Variants in PRKCA observed in about 807,000 individuals in gnomAD.
PRKCA encodes protein kinase C alpha, also known as protein kinase C alpha type.
PRKCA carries 27 observed loss-of-function variants against 87.0 expected under a neutral mutation model. That is an observed-to-expected ratio of 0.31 (90% CI 0.23 to 0.43). The LOEUF (loss-of-function observed/expected upper bound fraction) is 0.43, where lower values mean the gene tolerates loss of function less well. PRKCA is among the 20% of genes least tolerant of loss of function. The pLI is 1.00. For synonymous variants in PRKCA, 329 were observed against 311.1 expected, an observed-to-expected ratio of 1.06 and a Z score of -0.61; for missense variants, 518 against 852.3, an observed-to-expected ratio of 0.61 and a Z score of 4.88.
intron 2 of PRKCA, among the ~76,000 whole-genome samples, chr17:66,374,649 G>GGATGT (rs1210438075): frequency 1.3e-5 from 2 of 152,096 alleles, no homozygotes; most frequent in Non-Finnish European, 2.9e-5. Flanking sequence ...TGCAGGGGAG[G>GGATGT]GATGTGATGA....
intron 8 of PRKCA, among the ~76,000 whole-genome samples, chr17:66,725,329 T>C (rs1973718153): frequency 6.6e-6 from 1 of 152,198 alleles, no homozygotes; most frequent in Non-Finnish European, 1.5e-5. Flanking sequence ...TGGCTACAAG[T>C]TGGCCTCTGT....
Position 66,513,717 on chromosome 17 carries a change from C to T in PRKCA, c.288+17434C>T, listed in dbSNP as rs150618148. 1.1e-3 allele frequency among the ~76,000 whole-genome samples: 171 copies of T among 152,248 alleles called. 1 individual carries two copies. The highest frequency in any genetic ancestry group is 3.7e-3 in the African/African-American group (155 of 41,536). On this transcript the variant is annotated intron_variant, in intron 3 of 16. Coordinates refer to ENST00000413366, the MANE Select transcript of PRKCA (RefSeq NM_002737.3). ...ATTGATGCATCAGTGTGATAAAATACATGCAGCCATTAAGAATGATGCTTA... is the reference window on the plus strand; with the variant it reads ...ATTGATGCATCAGTGTGATAAAATATATGCAGCCATTAAGAATGATGCTTA...
intron 2 of PRKCA, among the ~76,000 whole-genome samples, chr17:66,408,762 G>A (rs539080117): frequency 5.0e-4 from 76 of 152,146 alleles, no homozygotes; most frequent in Middle Eastern, 3.4e-3. Context: ...TGATTGAAAT[G>A]GTGGTTGTCG....
At chr17:66,394,027 A>G (rs1910522608) in intron 2 of PRKCA, among the ~76,000 whole-genome samples, 1 of 151,986 alleles carries the variant, frequency 6.6e-6, no homozygotes, top group Non-Finnish European at 1.5e-5. Flanking sequence ...GTGAACTGAG[A>G]TCACACCACC....
rs191286971 is a variant in PRKCA at position 66,457,160 on chromosome 17, C to T, written c.206-39041C>T. On this transcript the variant is annotated intron_variant, in intron 2 of 16. Coordinates refer to ENST00000413366, the MANE Select transcript of PRKCA (RefSeq NM_002737.3). Reference sequence around the variant, plus strand: ...AGGGATAGACTCATCTTGGAGTCGTCGTCTTGGCCTGTTTTCTCACCAGTG... The same window carrying T: ...AGGGATAGACTCATCTTGGAGTCGTTGTCTTGGCCTGTTTTCTCACCAGTG... Among the ~76,000 whole-genome samples, 409 of 152,250 alleles carry T rather than the reference C, an allele frequency of 2.7e-3. 2 individuals carry two copies. Among genetic ancestry groups the T allele is most frequent in the African/African-American group, 9.3e-3 (386 of 41,550 alleles).
chr17:66,653,022 T>G (rs986433783), intron 5 of PRKCA, among the ~76,000 whole-genome samples: 4 of 152,216 alleles, frequency 2.6e-5, no homozygotes, highest in African/African-American at 9.6e-5. Flanking sequence ...CCCTGGCCCC[T>G]GGCCCCCGTT....
rs34671486 is a variant in PRKCA at position 66,690,827 on chromosome 17, CAAAAAAA to C, written c.918+1799_918+1805del. ...TGGGCAACAGAGCAAGACTCTGTCT[CAAAAAAA>C]AAAAAAAAAAAAAAAAAATTTAGAG... On this transcript the variant is annotated intron_variant, in intron 8 of 16. Transcript: ENST00000413366. Among the ~76,000 whole-genome samples the C allele has an allele frequency of 2.9e-3, 196 of 66,592 alleles. 1 individual carries two copies. The highest frequency in any genetic ancestry group is 0.011 in the African/African-American group (181 of 16,748). 43.7% of individuals were successfully genotyped at this position (66,592 alleles called of 152,430 possible).
intron 16 of PRKCA, among the ~76,000 whole-genome samples, chr17:66,802,944 C>G (rs965410969): frequency 1.3e-5 from 2 of 152,364 alleles, no homozygotes; most frequent in Middle Eastern, 3.4e-3. Context: ...AAACTCCCAG[C>G]TCTTCCTGCT....
Position 66,587,891 on chromosome 17 carries a change from GTGTGTA to G in PRKCA, c.289-53462_289-53457del, listed in dbSNP as rs1421894678. Reference sequence around the variant, plus strand: ...TGTATGTGTGTGTGTGTGTGTGTGTGTGTGTATATATATATATATATATATATATAT... The same window carrying G: ...TGTATGTGTGTGTGTGTGTGTGTGTGTATATATATATATATATATATATAT... On this transcript the variant is annotated intron_variant, in intron 3 of 16. Transcript: ENST00000413366. 7.2e-3 allele frequency among the ~76,000 whole-genome samples: 629 copies of G among 87,102 alleles called. 77 individuals carry two copies. The highest frequency in any genetic ancestry group is 0.025 in the South Asian group (62 of 2,504). 57.1% of individuals were successfully genotyped at this position (87,102 alleles called of 152,430 possible).
chr17:66,405,908 C>T (rs1911344528), intron 2 of PRKCA, among the ~76,000 whole-genome samples: 1 of 152,104 alleles, frequency 6.6e-6, no homozygotes, highest in Non-Finnish European at 1.5e-5. Context: ...TAGTGGGCTT[C>T]AGGGGCTTCC....
intron 3 of PRKCA, among the ~76,000 whole-genome samples, chr17:66,514,712 T>C (rs960478936): frequency 2.0e-5 from 3 of 151,988 alleles, no homozygotes; most frequent in Non-Finnish European, 4.4e-5. Context: ...CTACCCGTGC[T>C]CCAAGCAGGA....
At chr17:66,626,999 C>T (rs1970875610) in intron 3 of PRKCA, among the ~76,000 whole-genome samples, 2 of 152,194 alleles carry the variant, frequency 1.3e-5, no homozygotes, top group South Asian at 4.1e-4. Context: ...GTCATAACCT[C>T]CCTCTGCAGA....
At chr17:66,758,200 G>A (rs1435127831) in intron 13 of PRKCA, among the ~76,000 whole-genome samples, 3 of 152,216 alleles carry the variant, frequency 2.0e-5, no homozygotes, top group Admixed American at 6.5e-5. Context: ...GCTGTTTGCA[G>A]ACTACATTCC....
chr17:66,434,020 T>C (rs1236812967), intron 2 of PRKCA, among the ~76,000 whole-genome samples: 1 of 152,110 alleles, frequency 6.6e-6, no homozygotes, highest in Admixed American at 6.5e-5. Flanking sequence ...GTGAATCTCC[T>C]GAGCCAGGAG....
intron 3 of PRKCA, among the ~76,000 whole-genome samples, chr17:66,534,695 T>G (rs1292197531): frequency 9.2e-5 from 14 of 152,026 alleles, no homozygotes; most frequent in Admixed American, 9.2e-4. Context: ...AAATCACAAG[T>G]TGATCTTTCT....
At chr17:66,641,492 A>T (rs768976030) in intron 4 of PRKCA, 26 bp downstream of exon 4, 2 of 1,549,736 alleles carry the variant, frequency 1.3e-6, no homozygotes, top group South Asian at 2.3e-5. Context: ...TTTCCAGTTC[A>T]TAGCGAGGCT....
At chr17:66,335,505 G>A (rs1906605665) in intron 2 of PRKCA, among the ~76,000 whole-genome samples, 1 of 151,618 alleles carries the variant, frequency 6.6e-6, no homozygotes, top group Non-Finnish European at 1.5e-5. Context: ...GATGATGATT[G>A]CAGAATGGTG....
intron 2 of PRKCA, among the ~76,000 whole-genome samples, chr17:66,313,859 G>A (rs1048837266): frequency 7.2e-5 from 11 of 152,148 alleles, no homozygotes; most frequent in African/African-American, 2.7e-4. Context: ...CGGCAGCTTT[G>A]GAGTGAAACA....
intron 2 of PRKCA, chr17:66,404,235 A>G (rs1476888548): frequency 2.0e-5 from 3 of 152,220 alleles, no homozygotes; most frequent in Non-Finnish European, 4.4e-5. Context: ...TCGTGCTAGG[A>G]GAAGCCCAGG....
Sources: allele counts gnomAD v4.1 joint callset (sites outside exome capture counted in the v4.1 genomes callset), GRCh38; gene constraint gnomAD v4.1.1; transcripts MANE v1.5; gene names NCBI Gene and HGNC (gene_info 2026-07-23, HGNC 2026-07-21).